TSHR: variants seen among roughly 807,000 people sequenced by gnomAD.
TSHR encodes thyrotropin receptor.
Under a neutral mutation model 64.1 loss-of-function variants are expected in TSHR, and 51 were observed. The ratio of observed to expected loss-of-function variants is 0.80; its 90% CI spans 0.64 to 1.01. The LOEUF (loss-of-function observed/expected upper bound fraction) is 1.01. Among genes scored for constraint, TSHR ranks in the 50% least tolerant of loss-of-function variants. TSHR has a pLI of 0.00. For missense variants in TSHR, 877 were observed against 942.8 expected, an observed-to-expected ratio of 0.93 and a Z score of 0.91; for synonymous variants, 361 against 361.9, an observed-to-expected ratio of 1.00 and a Z score of 0.03.
intron 1 of TSHR, chr14:80,959,543 A>G (rs550863481): frequency 6.6e-6 from 1 of 152,254 alleles, no homozygotes; most frequent in East Asian, 1.9e-4. Flanking sequence ...ATTTGTGTGG[A>G]TTCTTCCTCC....
At chr14:81,073,072 G>GA (rs1171073310) in intron 3 of TSHR, among the ~76,000 whole-genome samples, 3 of 104,190 alleles carry the variant, frequency 2.9e-5, no homozygotes, top group Middle Eastern at 5.3e-3. Context: ...GTAACTAAAA[G>GA]AAAACTGATG....
intron 3 of TSHR, among the ~76,000 whole-genome samples, chr14:81,070,153 C>T (rs1019909772): frequency 9.2e-5 from 14 of 151,782 alleles, no homozygotes; most frequent in Admixed American, 8.5e-4. Flanking sequence ...TGACTAGATC[C>T]CAAGAAAAGA....
rs983801193 is a variant in TSHR, at chr14:81,035,657, C to A, written c.171-26491C>A. 3.3e-5 allele frequency among the ~76,000 whole-genome samples: 5 copies of A among 152,178 alleles called. No homozygotes were observed. The South Asian group carries it at 1.0e-3, about 32-fold the overall frequency. ...TTCCATTGTTTATTCCCTACCACAT[C>A]ATTTCCATAATTGGCTGTTGTACTG... is the stretch of plus-strand genomic sequence containing the variant. On this transcript the variant is annotated intron_variant, in intron 1 of 9. Transcript: ENST00000298171.
intron 8 of TSHR, among the ~76,000 whole-genome samples, chr14:81,112,468 T>C (rs1174303825): frequency 6.6e-6 from 1 of 152,144 alleles, no homozygotes; most frequent in East Asian, 1.9e-4. Context: ...TGCTCACAAG[T>C]ATCATGAGAA....
At chr14:81,075,585 G>A (rs1887437487) in intron 3 of TSHR, among the ~76,000 whole-genome samples, 1 of 151,296 alleles carries the variant, frequency 6.6e-6, no homozygotes. Context: ...ATGCTGGTGT[G>A]CTGCACCCAC....
At chr14:80,983,233 T>C (rs3783946) in intron 1 of TSHR, 9 of 1,252,950 alleles carry the variant, frequency 7.2e-6, no homozygotes, top group African/African-American at 1.5e-5. Flanking sequence ...AAAGACACCA[T>C]GTCATTTCCT....
At chr14:81,054,215 T>A (rs1298589715) in intron 1 of TSHR, among the ~76,000 whole-genome samples, 1 of 152,216 alleles carries the variant, frequency 6.6e-6, no homozygotes, top group Admixed American at 6.5e-5. Context: ...TCACAAGTTG[T>A]CTTTCTTTGC....
chr14:81,143,500 A>T lies in TSHR; in HGVS notation c.1442A>T (p.Tyr481Phe). Residue 481 changes from tyrosine (Y) to phenylalanine (F), a missense_variant, in exon 10 of 10, where the codon TAC (tyrosine) becomes TTC (phenylalanine). Physicochemically the swap from Tyr to Phe is conservative, Grantham distance 22 (BLOSUM62 3). Transcript: ENST00000298171. Reference protein sequence around the residue: ...ASVDLYTHSEYYNHAIDWQTG... With the variant: ...ASVDLYTHSEFYNHAIDWQTG... Reference sequence around the variant, plus strand: ...GTAGACCTCTACACTCACTCTGAGTACTACAACCATGCCATCGACTGGCAG... The same window carrying T: ...GTAGACCTCTACACTCACTCTGAGTTCTACAACCATGCCATCGACTGGCAG... 6.2e-7 allele frequency: 1 copy of T among 1,614,020 alleles called. No homozygotes were observed. The highest frequency in any genetic ancestry group is 8.5e-7 in the Non-Finnish European group (1 of 1,180,038).
At chr14:81,004,613 TAGCAG>T (rs1889499224) in intron 1 of TSHR, among the ~76,000 whole-genome samples, 1 of 152,156 alleles carries the variant, frequency 6.6e-6, no homozygotes, top group Admixed American at 6.5e-5. Context: ...GACAGTTAGG[TAGCAG>T]AGGGGTAGTA....
chr14:81,111,663 C>T lies in TSHR; in HGVS notation c.692+3211C>T, dbSNP rs572415024. ...CTTACACTGTTATGCTAAACTCTTACTCTTCCTACTGTCTGGAAAACCCTG... is the reference window on the plus strand; with the variant it reads ...CTTACACTGTTATGCTAAACTCTTATTCTTCCTACTGTCTGGAAAACCCTG... On this transcript the variant is annotated intron_variant, in intron 8 of 9. Transcript: ENST00000298171. Among the ~76,000 whole-genome samples the T allele has an allele frequency of 5.3e-5, 8 of 152,356 alleles. No individual in the cohort carries two copies. In the South Asian group the frequency reaches 1.2e-3, roughly 24 times the overall value.
intron 3 of TSHR, among the ~76,000 whole-genome samples, chr14:81,085,826 T>G (rs1474058707): frequency 6.6e-6 from 1 of 152,174 alleles, no homozygotes; most frequent in Non-Finnish European, 1.5e-5. Context: ...TGGAAAGCTC[T>G]GGCAAGGAGT....
chr14:81,037,552 C>A, intron 1 of TSHR, among the ~76,000 whole-genome samples: 1 of 151,868 alleles, frequency 6.6e-6, no homozygotes, highest in East Asian at 1.9e-4. Context: ...TATAGAGTGG[C>A]TGAATGGGTA....
At chr14:81,121,297 G>A (rs1057155370) in intron 8 of TSHR, among the ~76,000 whole-genome samples, 4 of 152,100 alleles carry the variant, frequency 2.6e-5, no homozygotes, top group African/African-American at 9.7e-5. Context: ...TGGGAGAATC[G>A]GAATGCCCTC....
At chr14:80,982,517 G>T in intron 1 of TSHR, 3 of 1,032,292 alleles carry the variant, frequency 2.9e-6, no homozygotes, top group Non-Finnish European at 4.0e-6. Flanking sequence ...ATTGGGAACT[G>T]GTTTTGGGAA....
intron 1 of TSHR, among the ~76,000 whole-genome samples, chr14:81,008,515 A>G (rs959053410): frequency 6.6e-6 from 1 of 152,120 alleles, no homozygotes; most frequent in African/African-American, 2.4e-5. Flanking sequence ...TTTACTAGAG[A>G]TTTTATCTTG....
At chr14:81,090,955 C>A in intron 4 of TSHR, 114 bp from the exon 5 acceptor site, 2 of 866,732 alleles carry the variant, frequency 2.3e-6, no homozygotes, top group East Asian at 2.5e-5. Context: ...GGGAGTTTGA[C>A]TACAGGTTGT....
chr14:81,044,213 C>T (rs1885054862), intron 1 of TSHR, among the ~76,000 whole-genome samples: 1 of 152,072 alleles, frequency 6.6e-6, no homozygotes, highest in Admixed American at 6.5e-5. Context: ...TATCCAGAAT[C>T]TACAAGGAAC....
chr14:81,131,872 C>A (rs1452723046), intron 8 of TSHR, among the ~76,000 whole-genome samples: 1 of 152,162 alleles, frequency 6.6e-6, no homozygotes, highest in Non-Finnish European at 1.5e-5. Flanking sequence ...TTACCTTTTT[C>A]TCCACTAGAA....
At chr14:80,972,452 G>T (rs1056937726) in intron 1 of TSHR, among the ~76,000 whole-genome samples, 1 of 151,906 alleles carries the variant, frequency 6.6e-6, no homozygotes, top group African/African-American at 2.4e-5. Flanking sequence ...CATCTTTTTT[G>T]ACTTTTATGT....
Sources: gnomAD v4.1 joint callset for allele counts (sites outside exome capture counted in the v4.1 genomes callset) on GRCh38, gnomAD v4.1.1 for gene constraint, MANE v1.5 for transcripts, NCBI Gene and HGNC (gene_info 2026-07-23, HGNC 2026-07-21) for gene names.